Variants in ELOVL6 observed in about 807,000 individuals in gnomAD.
ELOVL6 encodes ELOVL fatty acid elongase 6.
A neutral mutation model predicts 31.7 loss-of-function variants in ELOVL6; 8 were observed. The observed-to-expected ratio is 0.25, with a 90% CI of 0.15 to 0.45. ELOVL6 has a LOEUF of 0.45. Ranked by LOEUF, ELOVL6 falls within the 20% of genes least tolerant of loss-of-function variation. The pLI, the probability that ELOVL6 is intolerant of heterozygous loss-of-function variation, is 1.00. For synonymous variants in ELOVL6, 101 were observed against 117.7 expected (o/e 0.86, Z 0.92); for missense variants, 126 against 326.4 (o/e 0.39, Z 4.73).
At chr4:110,141,073 T>G (rs1402365321) in intron 1 of ELOVL6, among the ~76,000 whole-genome samples, 2 of 151,480 alleles carry the variant, frequency 1.3e-5, no homozygotes, top group African/African-American at 2.4e-5. Flanking sequence ...GTTTTTTTTG[T>G]TTTTTTTGAG....
chr4:110,196,521 C>T (rs545690586), intron 1 of ELOVL6, among the ~76,000 whole-genome samples: 22 of 152,212 alleles, frequency 1.4e-4, no homozygotes, highest in Non-Finnish European at 2.5e-4. Flanking sequence ...CTCGGCTGCC[C>T]CGAAACGCCG....
chr4:110,131,530 T>C (rs1262056148), intron 1 of ELOVL6, among the ~76,000 whole-genome samples: 1 of 152,128 alleles, frequency 6.6e-6, no homozygotes, highest in African/African-American at 2.4e-5. Context: ...TTCAAAAACA[T>C]TTACTCAATA....
intron 2 of ELOVL6, among the ~76,000 whole-genome samples, chr4:110,080,371 C>T (rs1373292003): frequency 1.3e-5 from 2 of 152,166 alleles, no homozygotes; most frequent in Non-Finnish European, 2.9e-5. Flanking sequence ...AATCCAGCAG[C>T]GCATCAAAAA....
intron 1 of ELOVL6, among the ~76,000 whole-genome samples, chr4:110,176,523 A>G (rs907926065): frequency 3.3e-5 from 5 of 152,210 alleles, no homozygotes; most frequent in African/African-American, 9.6e-5. Flanking sequence ...AAGTCCCAAC[A>G]TGATTTTTAC....
chr4:110,101,919 TA>T (rs1185750858), intron 2 of ELOVL6, among the ~76,000 whole-genome samples: 2 of 152,164 alleles, frequency 1.3e-5, no homozygotes, highest in African/African-American at 4.8e-5. Context: ...CATAGGAATT[TA>T]ATAAATAAGA....
intron 3 of ELOVL6, among the ~76,000 whole-genome samples, chr4:110,055,410 G>A (rs1475210899): frequency 6.6e-6 from 1 of 152,250 alleles, no homozygotes. Context: ...TTAGACTCTC[G>A]AACGTTTCAG....
chr4:110,072,769 C>A (rs1167290950), intron 2 of ELOVL6, among the ~76,000 whole-genome samples: 7 of 152,180 alleles, frequency 4.6e-5, no homozygotes, highest in Non-Finnish European at 7.3e-5. Flanking sequence ...ATTTGAGAAT[C>A]TCCAAATGGC....
chr4:110,196,193 A>T (rs1471193383), intron 1 of ELOVL6, among the ~76,000 whole-genome samples: 1 of 152,222 alleles, frequency 6.6e-6, no homozygotes, highest in East Asian at 1.9e-4. Flanking sequence ...GAATGGGGTC[A>T]GCCAGCAAAG....
chr4:110,062,437 G>A (rs1258632374), intron 2 of ELOVL6, among the ~76,000 whole-genome samples: 2 of 152,188 alleles, frequency 1.3e-5, no homozygotes, highest in Admixed American at 6.5e-5. Flanking sequence ...GGAGCACTGT[G>A]GGGGCCAATG....
At chr4:110,126,838 C>T (rs1172984944) in intron 1 of ELOVL6, among the ~76,000 whole-genome samples, 2 of 152,074 alleles carry the variant, frequency 1.3e-5, no homozygotes, top group Admixed American at 1.3e-4. Context: ...ATTTAGCTAC[C>T]TATCTTCAGC....
intron 2 of ELOVL6, among the ~76,000 whole-genome samples, chr4:110,079,268 C>T (rs552951291): frequency 1.3e-5 from 2 of 152,312 alleles, no homozygotes; most frequent in South Asian, 4.2e-4. Flanking sequence ...ATTCTCCACC[C>T]CAAATCAACA....
intron 2 of ELOVL6, among the ~76,000 whole-genome samples, chr4:110,096,299 C>A (rs187188712): frequency 1.3e-5 from 2 of 152,088 alleles, no homozygotes; most frequent in Non-Finnish European, 2.9e-5. Context: ...GTTAAAAATT[C>A]CATCTTACTT....
chr4:110,181,696 G>A (rs1368542028), intron 1 of ELOVL6, among the ~76,000 whole-genome samples: 1 of 152,166 alleles, frequency 6.6e-6, no homozygotes, highest in African/African-American at 2.4e-5. Context: ...TCTGTGTACT[G>A]AAAGGTAACC....
At chr4:110,124,973 A>C (rs971265271) in intron 1 of ELOVL6, among the ~76,000 whole-genome samples, 11 of 152,226 alleles carry the variant, frequency 7.2e-5, no homozygotes, top group Non-Finnish European at 7.3e-5. Flanking sequence ...AGGACAAGGC[A>C]CAAGTGACTT....
At chr4:110,182,959 A>G (rs1191114453) in intron 1 of ELOVL6, among the ~76,000 whole-genome samples, 1 of 152,104 alleles carries the variant, frequency 6.6e-6, no homozygotes, top group Admixed American at 6.6e-5. Context: ...GTAAACTCTG[A>G]CCTTATTTCT....
chr4:110,060,450 C>T (rs1236585268), intron 2 of ELOVL6, among the ~76,000 whole-genome samples: 2 of 152,160 alleles, frequency 1.3e-5, no homozygotes, highest in Non-Finnish European at 2.9e-5. Flanking sequence ...TTCTTCAATG[C>T]CCCGCAATGT....
At chr4:110,172,363 G>A (rs560234769) in intron 1 of ELOVL6, among the ~76,000 whole-genome samples, 4 of 152,266 alleles carry the variant, frequency 2.6e-5, no homozygotes, top group South Asian at 4.1e-4. Context: ...TTAAAAGAAA[G>A]TCATGTATTG....
At chr4:110,152,499 C>T (rs1388248939) in intron 1 of ELOVL6, among the ~76,000 whole-genome samples, 2 of 152,176 alleles carry the variant, frequency 1.3e-5, no homozygotes, top group East Asian at 1.9e-4. Flanking sequence ...GAATTTATTC[C>T]GTGAAAATAC....
intron 1 of ELOVL6, among the ~76,000 whole-genome samples, chr4:110,195,400 A>G (rs1036027150): frequency 6.6e-6 from 1 of 152,170 alleles, no homozygotes; most frequent in Non-Finnish European, 1.5e-5. Context: ...GATTACAGGC[A>G]GGAGCCACCA....
Sources: gnomAD v4.1 joint callset for allele counts (sites outside exome capture counted in the v4.1 genomes callset) on GRCh38, gnomAD v4.1.1 for gene constraint, MANE v1.5 for transcripts, NCBI Gene and HGNC (gene_info 2026-07-23, HGNC 2026-07-21) for gene names.